The following GYPE variants were observed in gnomAD, a reference collection of about 807,000 sequenced individuals.
GYPE encodes the protein glycophorin E (MNS blood group).
A neutral mutation model predicts 11.6 loss-of-function variants in GYPE; 8 were observed. The observed-to-expected ratio is 0.69, with a 90% CI of 0.41 to 1.25. The LOEUF is 1.25. GYPE is among the 50% of genes most tolerant of loss of function. GYPE has a pLI of 0.01. For missense variants in GYPE, 90 were observed against 92.8 expected, an observed-to-expected ratio of 0.97 and a Z score of 0.12; for synonymous variants, 28 against 29.6, an observed-to-expected ratio of 0.94 and a Z score of 0.18.
chr4:143,876,733 A>G lies in GYPE; in HGVS notation c.*9+13T>C, dbSNP rs757772658. 5.0e-6 allele frequency: 7 copies of G among 1,407,306 alleles called. No individual in the cohort carries two copies. The African/African-American group carries it at 9.9e-5, about 20-fold the overall frequency. 87.2% of individuals were successfully genotyped at this position (1,407,306 alleles called of 1,614,324 possible). A position where few individuals can be genotyped will look rare whatever the true frequency, so the allele number is the denominator to read the frequency against. ...ACTGGTATTTAGAGCAAAATTAAAA[A>G]CTGAATTCTCACCTTTATCAGTCAT... On this transcript the variant is annotated intron_variant, in intron 3 of 3. Transcript: ENST00000358615.
At chr4:143,879,119 T>TTA (rs1390772635) in intron 2 of GYPE, among the ~76,000 whole-genome samples, 1 of 152,172 alleles carries the variant, frequency 6.6e-6, no homozygotes, top group African/African-American at 2.4e-5. Flanking sequence ...ACAGCCACTG[T>TTA]CTGAATCTAA....
rs190338063 is a variant in GYPE at position 143,877,641 on chromosome 4, A to G, written c.137-786T>C. ...CTAATTAATATTTAAAAGTCCTATT[A>G]TTGATAAAAAGTGAAAGTAGCATTT... On this transcript the variant is annotated intron_variant, in intron 2 of 3. Coordinates refer to ENST00000358615, the MANE Select transcript of GYPE (RefSeq NM_198682.3). Among the ~76,000 whole-genome samples, 117 of 152,288 alleles carry G rather than the reference A, an allele frequency of 7.7e-4. 1 individual carries two copies. The highest frequency in any genetic ancestry group is 2.7e-3 in the African/African-American group (114 of 41,568).
intron 3 of GYPE, among the ~76,000 whole-genome samples, chr4:143,872,881 G>A (rs534033631): frequency 5.5e-4 from 35 of 63,690 alleles, no homozygotes; most frequent in African/African-American, 4.7e-3. Flanking sequence ...GTGGGAGAGG[G>A]TTGAAGGGGG....
chr4:143,901,937 T>C (rs13102300), intron 1 of GYPE, among the ~76,000 whole-genome samples: 142,460 of 151,964 alleles, frequency 0.94, 67,526 homozygotes, highest in East Asian at 1. Flanking sequence ...AAAACCCTAT[T>C]TCACACCAAG....
rs369692949 is a variant in GYPE at position 143,871,261 on chromosome 4, G to A, written c.*1001C>T. On this transcript the variant is annotated 3_prime_UTR_variant, in exon 4 of 4. Transcript: ENST00000358615. ...ATTCTTCCACAGAGAGGGACCCATA[G>A]TCATTACCTTCAAGGAACCTAAATC... 4.6e-5 allele frequency: 7 copies of A among 152,024 alleles called. No homozygotes were observed. Among genetic ancestry groups the A allele is most frequent in the Non-Finnish European group, 8.8e-5 (6 of 68,032 alleles). 9.4% of individuals were successfully genotyped at this position (152,024 alleles called of 1,614,324 possible).
rs1248888460 is a variant in GYPE at position 143,871,371 on chromosome 4, A to T, written c.*891T>A. 6.6e-6 allele frequency: 1 copy of T among 152,178 alleles called. No homozygotes were observed. Among genetic ancestry groups the T allele is most frequent in the Admixed American group, 6.6e-5 (1 of 15,264 alleles). 9.4% of individuals were successfully genotyped at this position (152,178 alleles called of 1,614,324 possible). On this transcript the variant is annotated 3_prime_UTR_variant, in exon 4 of 4. Coordinates refer to ENST00000358615, the MANE Select transcript of GYPE (RefSeq NM_198682.3). Reference sequence around the variant, plus strand: ...GTTGTGGAACTATTCCTATTCTTCCATAAGTAGCCACTAGGACCACGGCTG... The same window carrying T: ...GTTGTGGAACTATTCCTATTCTTCCTTAAGTAGCCACTAGGACCACGGCTG...
At chr4:143,900,704 ATTATT>A (rs550713539) in intron 1 of GYPE, among the ~76,000 whole-genome samples, 3 of 151,290 alleles carry the variant, frequency 2.0e-5, no homozygotes, top group South Asian at 4.1e-4. Flanking sequence ...CTTTAAACAC[ATTATT>A]TTAAGTGAAA....
At chr4:143,880,953 C>G (rs1182724027) in intron 1 of GYPE, among the ~76,000 whole-genome samples, 1 of 152,064 alleles carries the variant, frequency 6.6e-6, no homozygotes, top group Non-Finnish European at 1.5e-5. Flanking sequence ...CTTGAAGTTG[C>G]ATTTTGGAAA....
rs1172538938 is a variant in GYPE, at chr4:143,893,671, G to A, written c.37+11800C>T. ...TCTTCTGGCTTGTAGAGTTTCTGCCGAGAGATCTGCTCTTAGTCTCATGGG... is the reference window on the plus strand; with the variant it reads ...TCTTCTGGCTTGTAGAGTTTCTGCCAAGAGATCTGCTCTTAGTCTCATGGG... On this transcript the variant is annotated intron_variant, in intron 1 of 3. Transcript: ENST00000358615. Among the ~76,000 whole-genome samples the A allele has an allele frequency of 5.9e-5, 9 of 152,238 alleles. No homozygotes were observed. The South Asian group carries it at 6.2e-4, about 11-fold the overall frequency.
intron 1 of GYPE, among the ~76,000 whole-genome samples, chr4:143,896,104 C>T (rs1744620475): frequency 6.6e-6 from 1 of 152,114 alleles, no homozygotes; most frequent in Admixed American, 6.6e-5. Context: ...TGGGCAAGGA[C>T]TTCATGTCTA....
chr4:143,891,077 A>C (rs975698243), intron 1 of GYPE, among the ~76,000 whole-genome samples: 10 of 152,156 alleles, frequency 6.6e-5, no homozygotes, highest in Non-Finnish European at 1.3e-4. Context: ...TACAAGTATT[A>C]GTAAACTTCT....
intron 1 of GYPE, among the ~76,000 whole-genome samples, chr4:143,890,275 A>G (rs4095436): frequency 0.93 from 141,097 of 152,130 alleles, 66,380 homozygotes; most frequent in South Asian, 1. Context: ...GCATATTCCA[A>G]TCTGGTCACT....
chr4:143,874,753 G>T (rs1743734287), intron 3 of GYPE, among the ~76,000 whole-genome samples: 2 of 152,264 alleles, frequency 1.3e-5, no homozygotes, highest in South Asian at 2.1e-4. Flanking sequence ...GGGCATCCTG[G>T]AGTCCCTCAG....
intron 1 of GYPE, among the ~76,000 whole-genome samples, chr4:143,892,245 C>G (rs977171340): frequency 1.3e-5 from 2 of 151,982 alleles, no homozygotes; most frequent in Non-Finnish European, 2.9e-5. Context: ...TTTTGTTGAT[C>G]TTTTCAAAAA....
intron 1 of GYPE, 38 bp downstream of exon 1, chr4:143,905,433 C>T: frequency 6.2e-7 from 1 of 1,611,938 alleles, no homozygotes; most frequent in Non-Finnish European, 8.5e-7. Flanking sequence ...GATCTCATAC[C>T]CAATATAACA....
intron 1 of GYPE, among the ~76,000 whole-genome samples, chr4:143,891,277 A>T (rs1294309898): frequency 2.6e-5 from 4 of 151,342 alleles, no homozygotes; most frequent in Non-Finnish European, 5.9e-5. Context: ...GTAGAATTTG[A>T]ATTTCGTATA....
At chr4:143,885,478 G>A (rs1256353276) in intron 1 of GYPE, among the ~76,000 whole-genome samples, 3 of 151,978 alleles carry the variant, frequency 2.0e-5, no homozygotes, top group Non-Finnish European at 2.9e-5. Flanking sequence ...AGAGCACTTG[G>A]TGGAAATTTT....
intron 1 of GYPE, 78 bp downstream of exon 1, chr4:143,905,393 T>A (rs185673509): frequency 6.2e-7 from 1 of 1,604,222 alleles, no homozygotes; most frequent in East Asian, 2.2e-5. Flanking sequence ...AAGATAGAAC[T>A]AAAATAGGGT....
At chr4:143,903,604 C>T (rs535010382) in intron 1 of GYPE, among the ~76,000 whole-genome samples, 1 of 144,832 alleles carries the variant, frequency 6.9e-6, no homozygotes, top group Admixed American at 7.0e-5. Context: ...GGGGGAAAAA[C>T]TTGATCTTAC....
Sources: gnomAD v4.1 joint callset for allele counts (sites outside exome capture counted in the v4.1 genomes callset) on GRCh38, gnomAD v4.1.1 for gene constraint, MANE v1.5 for transcripts, NCBI Gene and HGNC (gene_info 2026-07-23, HGNC 2026-07-21) for gene names.